Variants in PTPRD observed in about 807,000 individuals in gnomAD.
PTPRD encodes protein tyrosine phosphatase receptor type D.
In PTPRD, 34 loss-of-function variants were observed where a neutral mutation model predicts 214.5. The ratio of observed to expected loss-of-function variants is 0.16; its 90% CI spans 0.12 to 0.21. PTPRD has a LOEUF of 0.21. Among genes scored for constraint, PTPRD ranks in the 10% least tolerant of loss-of-function variants. PTPRD has a pLI of 1.00. For missense variants in PTPRD, 2,545 were observed against 2,398.7 expected (o/e 1.06, Z -1.27); for synonymous variants, 1,128 against 845.7 (o/e 1.33, Z -5.79).
At chr9:10,144,901 G>A (rs539999479) in intron 3 of PTPRD, among the ~76,000 whole-genome samples, 1 of 151,642 alleles carries the variant, frequency 6.6e-6, no homozygotes, top group Non-Finnish European at 1.5e-5. Flanking sequence ...AATAAAATTA[G>A]TATTAAACTA....
chr9:10,309,835 G>A (rs1331545893), intron 3 of PTPRD, among the ~76,000 whole-genome samples: 1 of 151,868 alleles, frequency 6.6e-6, no homozygotes, highest in Non-Finnish European at 1.5e-5. Context: ...CTTTAAGAAG[G>A]GCACAATTTT....
chr9:9,508,145 A>G (rs1253674462), intron 8 of PTPRD, among the ~76,000 whole-genome samples: 2 of 151,570 alleles, frequency 1.3e-5, no homozygotes, highest in African/African-American at 4.8e-5. Context: ...TTCTTCAGAC[A>G]CACAAGTAAA....
intron 3 of PTPRD, among the ~76,000 whole-genome samples, chr9:10,138,553 C>A (rs2098959180): frequency 6.6e-6 from 1 of 152,044 alleles, no homozygotes; most frequent in African/African-American, 2.4e-5. Flanking sequence ...ATGCACTATT[C>A]TCTAATTCTA....
intron 10 of PTPRD, among the ~76,000 whole-genome samples, chr9:9,138,634 A>G (rs1030857833): frequency 6.6e-6 from 1 of 152,242 alleles, no homozygotes; most frequent in Non-Finnish European, 1.5e-5. Flanking sequence ...GTGGGGAGGG[A>G]ATAACCACAG....
intron 34 of PTPRD, among the ~76,000 whole-genome samples, chr9:8,445,075 C>G (rs1301537461): frequency 1.3e-5 from 2 of 152,170 alleles, no homozygotes; most frequent in Non-Finnish European, 2.9e-5. Flanking sequence ...CGTCACCTCT[C>G]TCTTTTACTT....
chr9:10,273,014 G>A (rs1255962102), intron 3 of PTPRD, among the ~76,000 whole-genome samples: 3 of 152,182 alleles, frequency 2.0e-5, no homozygotes, highest in Admixed American at 2.0e-4. Flanking sequence ...CAAACCCACA[G>A]GAAAAATTGG....
intron 10 of PTPRD, among the ~76,000 whole-genome samples, chr9:9,060,488 A>C (rs1037945264): frequency 5.3e-5 from 8 of 152,196 alleles, no homozygotes; most frequent in African/African-American, 1.9e-4. Flanking sequence ...ATAAAAAATT[A>C]GATTAATTTA....
chr9:8,750,535 G>A (rs1598687568), intron 11 of PTPRD, among the ~76,000 whole-genome samples: 1 of 152,146 alleles, frequency 6.6e-6, no homozygotes, highest in East Asian at 1.9e-4. Flanking sequence ...AAAATAACTG[G>A]TATGTGGGAA....
At chr9:8,969,609 A>C (rs1481058186) in intron 11 of PTPRD, among the ~76,000 whole-genome samples, 1 of 152,072 alleles carries the variant, frequency 6.6e-6, no homozygotes, top group African/African-American at 2.4e-5. Flanking sequence ...TGTTTTATAA[A>C]AAAGTATGCA....
intron 2 of PTPRD, among the ~76,000 whole-genome samples, chr9:10,574,776 T>C (rs1299655905): frequency 7.2e-6 from 1 of 139,204 alleles, no homozygotes; most frequent in East Asian, 2.1e-4. Context: ...TGTGTGTGTG[T>C]ATATATATAC....
At chr9:9,281,972 T>C (rs937128568) in intron 9 of PTPRD, among the ~76,000 whole-genome samples, 1 of 151,324 alleles carries the variant, frequency 6.6e-6, no homozygotes, top group Non-Finnish European at 1.5e-5. Context: ...GGAGAAACCA[T>C]AAATGCATAT....
intron 2 of PTPRD, among the ~76,000 whole-genome samples, chr9:10,391,813 C>A (rs1324105579): frequency 1.3e-5 from 2 of 151,916 alleles, no homozygotes; most frequent in East Asian, 3.9e-4. Flanking sequence ...TATCCAGATC[C>A]TTACTGTGAA....
intron 9 of PTPRD, among the ~76,000 whole-genome samples, chr9:9,372,841 G>T (rs2059884448): frequency 6.6e-6 from 1 of 152,024 alleles, no homozygotes; most frequent in Non-Finnish European, 1.5e-5. Flanking sequence ...TTGCTTGTTT[G>T]TAAAGTATTT....
At chr9:10,203,536 C>G (rs1408969050) in intron 3 of PTPRD, among the ~76,000 whole-genome samples, 2 of 152,064 alleles carry the variant, frequency 1.3e-5, no homozygotes, top group Admixed American at 6.6e-5. Context: ...ATCAGTAATT[C>G]TGGTAATTTT....
At chr9:10,016,670 G>T (rs928907919) in intron 4 of PTPRD, among the ~76,000 whole-genome samples, 1 of 148,504 alleles carries the variant, frequency 6.7e-6, no homozygotes, top group Non-Finnish European at 1.5e-5. Flanking sequence ...CCTCCTGTGG[G>T]TTGTTTTTTT....
chr9:9,644,060 C>T (rs1433279285), intron 7 of PTPRD, among the ~76,000 whole-genome samples: 1 of 152,036 alleles, frequency 6.6e-6, no homozygotes, highest in Non-Finnish European at 1.5e-5. Context: ...GCTGGTCCCT[C>T]AAAGTTTTTT....
At chr9:8,466,133 G>T (rs10815880) in intron 31 of PTPRD, among the ~76,000 whole-genome samples, 33,824 of 151,792 alleles carry the variant, frequency 0.22, 3,775 homozygotes, top group East Asian at 0.3. Flanking sequence ...AGATTGTTTT[G>T]AGTAATGAGA....
intron 26 of PTPRD, among the ~76,000 whole-genome samples, chr9:8,495,547 AT>A (rs1363412166): frequency 2.0e-5 from 3 of 152,348 alleles, no homozygotes; most frequent in African/African-American, 7.2e-5. Flanking sequence ...TGTGAAATCA[AT>A]TTAGTCAGTC....
chr9:9,748,727 C>A (rs748917288), intron 6 of PTPRD, among the ~76,000 whole-genome samples: 3 of 152,132 alleles, frequency 2.0e-5, no homozygotes, highest in African/African-American at 4.8e-5. Context: ...TTTCTTTGGC[C>A]TTTAACTTAC....
Sources: gnomAD v4.1 joint callset for allele counts (sites outside exome capture counted in the v4.1 genomes callset) on GRCh38, gnomAD v4.1.1 for gene constraint, MANE v1.5 for transcripts, NCBI Gene and HGNC (gene_info 2026-07-23, HGNC 2026-07-21) for gene names.